Variants in HECW2 observed in about 807,000 individuals in gnomAD.
HECW2 encodes E3 ubiquitin-protein ligase HECW2.
Under a neutral mutation model 175.2 loss-of-function variants are expected in HECW2, and 61 were observed. That is an observed-to-expected ratio of 0.35 (90% confidence interval 0.28 to 0.43). The LOEUF (loss-of-function observed/expected upper bound fraction) is 0.43. HECW2 is among the 20% of genes least tolerant of loss of function. The pLI is 1.00. For synonymous variants in HECW2, 671 were observed against 731.0 expected (o/e 0.92, Z 1.32); for missense variants, 1,524 against 2,000.5 (o/e 0.76, Z 4.54).
At chr2:196,270,311 C>A (rs1184797866) in intron 17 of HECW2, among the ~76,000 whole-genome samples, 1 of 152,112 alleles carries the variant, frequency 6.6e-6, no homozygotes, top group Non-Finnish European at 1.5e-5. Flanking sequence ...AATCTTGCTT[C>A]CCAAACTTAG....
chr2:196,332,442 T>C (rs1292885015), intron 4 of HECW2, among the ~76,000 whole-genome samples: 3 of 152,204 alleles, frequency 2.0e-5, no homozygotes, highest in African/African-American at 7.2e-5. Context: ...TAAAGACCCA[T>C]GGCATTATTC....
At position 196,318,969 on chromosome 2, in the gene HECW2, C is replaced by A; in HGVS notation, c.1921G>T (p.Ala641Ser). The change falls in exon 9 of 29, where the codon GCT (alanine) becomes TCT (serine). Residue 641 changes from alanine (A) to serine (S), a missense_variant. Physicochemically the swap from Ala to Ser is moderately conservative, Grantham distance 99. Around this residue, in one of 11 missense-constraint regions of HECW2, gnomAD observed 604 missense variants for 588.3 expected, o/e 1.03. Coordinates refer to ENST00000644978, the MANE Select transcript of HECW2 (RefSeq NM_001348768.2). ...ACACTCTCATTGCAGGAGCTGTCAG[C>A]GCATTCCAGGTCACTCTCTCCCTCA... ...RPEGESDLECADSSCNESVTT... is the reference protein window; with the variant it reads ...RPEGESDLECSDSSCNESVTT... 6.2e-7 allele frequency: 1 copy of A among 1,612,596 alleles called. No individual in the cohort carries two copies. The highest frequency in any genetic ancestry group is 8.5e-7 in the Non-Finnish European group (1 of 1,179,234).
chr2:196,345,355 T>C (rs1396554280), intron 2 of HECW2, among the ~76,000 whole-genome samples: 1 of 152,196 alleles, frequency 6.6e-6, no homozygotes, highest in African/African-American at 2.4e-5. Context: ...GGCAACAATG[T>C]GCCCTGTTAA....
At chr2:196,235,841 G>A (rs113497190) in intron 21 of HECW2, among the ~76,000 whole-genome samples, 7,276 of 151,420 alleles carry the variant, frequency 0.048, 575 homozygotes, top group African/African-American at 0.17. Flanking sequence ...TGTATTTTTA[G>A]TAGAGATGGG....
intron 1 of HECW2, among the ~76,000 whole-genome samples, chr2:196,513,558 C>T (rs1688035276): frequency 6.6e-6 from 1 of 152,134 alleles, no homozygotes; most frequent in Non-Finnish European, 1.5e-5. Flanking sequence ...CAGCATAATG[C>T]TCAACCCCTA....
chr2:196,517,761 A>C (rs1258356343), intron 1 of HECW2, among the ~76,000 whole-genome samples: 7 of 152,240 alleles, frequency 4.6e-5, no homozygotes, highest in Admixed American at 4.6e-4. Flanking sequence ...CACTCATATA[A>C]GGTAAAAACT....
At position 196,553,183 on chromosome 2, in the gene HECW2, T is replaced by C. The variant is rs143733450; in HGVS notation, c.-36+40325A>G. Among the ~76,000 whole-genome samples the C allele has an allele frequency of 8.5e-5, 13 of 152,364 alleles. No individual in the cohort carries two copies. In the East Asian group the frequency reaches 2.5e-3, roughly 29 times the overall value. ...ACAAGAAAATGTATTTCACATGCAA[T>C]TGCTCTTCTTCAGAAACACCATTTT... On this transcript the variant is annotated intron_variant, in intron 1 of 28. Coordinates refer to ENST00000644978, the MANE Select transcript of HECW2 (RefSeq NM_001348768.2).
intron 1 of HECW2, among the ~76,000 whole-genome samples, chr2:196,459,806 G>A (rs1696667458): frequency 6.6e-6 from 1 of 152,184 alleles, no homozygotes; most frequent in Admixed American, 6.5e-5. Context: ...TGCATCCTCT[G>A]CTTCATCTTT....
At chr2:196,292,404 T>C in intron 14 of HECW2, 161 bp downstream of exon 14, 1 of 608,964 alleles carries the variant, frequency 1.6e-6, no homozygotes, top group Non-Finnish European at 2.9e-6. Context: ...TCACTGTTTG[T>C]GGTCACAAAC....
intron 2 of HECW2, among the ~76,000 whole-genome samples, chr2:196,371,142 C>T (rs1693898338): frequency 6.6e-6 from 1 of 151,992 alleles, no homozygotes; most frequent in South Asian, 2.1e-4. Flanking sequence ...TAAACAGTTA[C>T]CTCAGCTAAT....
At position 196,231,726 on chromosome 2, in the gene HECW2, C is replaced by T. The variant is rs555731697; in HGVS notation, c.3765-3472G>A. 2.0e-5 allele frequency among the ~76,000 whole-genome samples: 3 copies of T among 152,302 alleles called. No homozygotes were observed. In the East Asian group the frequency reaches 5.8e-4, roughly 29 times the overall value. ...GCTTATGGGCGGGGGCAGTGGCTCACGCCTGTAATCCCATCACTTTGGGAG... is the reference window on the plus strand; with the variant it reads ...GCTTATGGGCGGGGGCAGTGGCTCATGCCTGTAATCCCATCACTTTGGGAG... On this transcript the variant is annotated intron_variant, in intron 21 of 28. Transcript: ENST00000644978.
chr2:196,319,211 G>C lies in HECW2; in HGVS notation c.1679C>G (p.Ala560Gly). 2 of 1,597,586 alleles carry C rather than the reference G, an allele frequency of 1.3e-6. No individual in the cohort carries two copies. The change falls in exon 9 of 29, where the codon GCT (alanine) becomes GGT (glycine). Residue 560 changes from alanine to glycine, a missense_variant. Transcript: ENST00000644978. ...GEGGPEPQPS[A>G]DQGSAELCGS... Reference sequence around the variant, plus strand: ...ACACAGTTCAGCACTGCCCTGGTCAGCACTGGGTTGAGGCTCTGGGCCGCC... The same window carrying C: ...ACACAGTTCAGCACTGCCCTGGTCACCACTGGGTTGAGGCTCTGGGCCGCC...
chr2:196,464,883 A>G (rs757436384), intron 1 of HECW2, among the ~76,000 whole-genome samples: 10 of 152,282 alleles, frequency 6.6e-5, no homozygotes, highest in Middle Eastern at 3.4e-3. Context: ...TCTACTAAAA[A>G]TACAAAAAAT....
intron 13 of HECW2, among the ~76,000 whole-genome samples, chr2:196,296,149 T>C (rs976496745): frequency 6.6e-6 from 1 of 152,022 alleles, no homozygotes; most frequent in Non-Finnish European, 1.5e-5. Context: ...ATATATAGTT[T>C]ATGTGTGTGT....
chr2:196,449,268 T>C (rs936421948), intron 1 of HECW2, among the ~76,000 whole-genome samples: 38 of 152,168 alleles, frequency 2.5e-4, no homozygotes, highest in Non-Finnish European at 4.3e-4. Context: ...ATGAGTTGTA[T>C]GGTCTGTGGT....
At chr2:196,244,999 A>G (rs1176464181) in intron 19 of HECW2, among the ~76,000 whole-genome samples, 1 of 152,168 alleles carries the variant, frequency 6.6e-6, no homozygotes, top group Non-Finnish European at 1.5e-5. Context: ...TGTTGAGTAA[A>G]TTAAGGGTGG....
At chr2:196,468,397 C>T (rs1354066754) in intron 1 of HECW2, among the ~76,000 whole-genome samples, 2 of 152,180 alleles carry the variant, frequency 1.3e-5, no homozygotes, top group African/African-American at 2.4e-5. Flanking sequence ...ATATTGTCAA[C>T]ACCCACCCAC....
At chr2:196,496,710 G>A (rs1212923891) in intron 1 of HECW2, among the ~76,000 whole-genome samples, 2 of 152,092 alleles carry the variant, frequency 1.3e-5, no homozygotes, top group Admixed American at 6.6e-5. Context: ...AAGTCCTTGT[G>A]AGATAGTAGG....
At chr2:196,219,405 T>C (rs531846199) in intron 26 of HECW2, among the ~76,000 whole-genome samples, 2 of 152,370 alleles carry the variant, frequency 1.3e-5, no homozygotes, top group South Asian at 4.1e-4. Context: ...TGGTCCCAGT[T>C]ACTAATCAAT....
Sources: gnomAD v4.1 joint callset for allele counts (sites outside exome capture counted in the v4.1 genomes callset) on GRCh38, gnomAD v4.1.1 for gene constraint, gnomAD v4.1.1 regional missense constraint, MANE v1.5 for transcripts, NCBI Gene and HGNC (gene_info 2026-07-23, HGNC 2026-07-21) for gene names.